The following GRIP1 variants were observed in gnomAD, a reference collection of about 807,000 sequenced individuals.
GRIP1 encodes the protein glutamate receptor-interacting protein 1.
A neutral mutation model predicts 129.9 loss-of-function variants in GRIP1; 45 were observed. The ratio of observed to expected loss-of-function variants is 0.35; its 90% CI spans 0.27 to 0.44. The LOEUF (loss-of-function observed/expected upper bound fraction) is 0.44. Among genes scored for constraint, GRIP1 ranks in the 20% least tolerant of loss-of-function variants. The probability of loss-of-function intolerance (pLI) is 1.00; values close to 1 mark genes in which losing one functional copy is unlikely to be tolerated. For missense variants in GRIP1, 1,196 were observed against 1,396.8 expected, an observed-to-expected ratio of 0.86 and a Z score of 2.29; for synonymous variants, 530 against 520.8, an observed-to-expected ratio of 1.02 and a Z score of -0.24.
At chr12:66,787,952 T>C (rs540561832) in intron 1 of GRIP1, among the ~76,000 whole-genome samples, 1 of 152,238 alleles carries the variant, frequency 6.6e-6, no homozygotes, top group South Asian at 2.1e-4. Flanking sequence ...CCTCAAGGTT[T>C]ACTTTCCTCC....
intron 1 of GRIP1, among the ~76,000 whole-genome samples, chr12:66,930,071 A>C (rs1279602167): frequency 1.1e-5 from 1 of 91,046 alleles, no homozygotes; most frequent in Admixed American, 1.1e-4. Flanking sequence ...TTTTTTTTTT[A>C]CGTCAATGCA....
chr12:66,534,338 C>G (rs956900297), intron 4 of GRIP1, among the ~76,000 whole-genome samples: 1 of 152,182 alleles, frequency 6.6e-6, no homozygotes, highest in African/African-American at 2.4e-5. Flanking sequence ...TCCTTTAACT[C>G]TACTAATGCT....
At chr12:66,719,379 C>G (rs967019571) in intron 1 of GRIP1, among the ~76,000 whole-genome samples, 5 of 152,250 alleles carry the variant, frequency 3.3e-5, no homozygotes, top group Non-Finnish European at 7.4e-5. Flanking sequence ...TCTTCCATCC[C>G]TCCTCAGGGA....
intron 11 of GRIP1, among the ~76,000 whole-genome samples, chr12:66,451,383 G>GTTTTTTTTTTTTTTTTTTTTTTTTTTTTT (rs1169331519): frequency 4.7e-5 from 2 of 42,650 alleles, no homozygotes; most frequent in Non-Finnish European, 8.4e-5. Flanking sequence ...ATTATAATCT[G>GTTTTTTTTTTTTTTTTTTTTTTTTTTTTT]TTTTTTTTTT....
chr12:66,984,176 G>T (rs1438685990), intron 1 of GRIP1, among the ~76,000 whole-genome samples: 1 of 152,144 alleles, frequency 6.6e-6, no homozygotes, highest in African/African-American at 2.4e-5. Context: ...TAGTTATAAT[G>T]AGCCTACAGC....
At chr12:66,905,688 G>T (rs555694401) in intron 1 of GRIP1, among the ~76,000 whole-genome samples, 2 of 152,180 alleles carry the variant, frequency 1.3e-5, no homozygotes, top group Admixed American at 6.5e-5. Flanking sequence ...TGATTAGAAG[G>T]TCTTATTATA....
chr12:66,502,321 T>A (rs1015870274), intron 7 of GRIP1, among the ~76,000 whole-genome samples: 1 of 152,218 alleles, frequency 6.6e-6, no homozygotes, highest in African/African-American at 2.4e-5. Context: ...TATTTGTCCA[T>A]GTTACTCCTA....
intron 1 of GRIP1, among the ~76,000 whole-genome samples, chr12:66,823,895 T>C (rs2039364327): frequency 6.6e-6 from 1 of 152,152 alleles, no homozygotes; most frequent in Non-Finnish European, 1.5e-5. Context: ...TTGAACAAGA[T>C]GTAAAACAGA....
chr12:66,816,504 A>G (rs1170387807), intron 1 of GRIP1, among the ~76,000 whole-genome samples: 2 of 152,228 alleles, frequency 1.3e-5, no homozygotes, highest in East Asian at 3.8e-4. Flanking sequence ...CTCATTTTAC[A>G]GGTGCTGATA....
At chr12:66,948,890 A>G (rs574386892) in intron 1 of GRIP1, among the ~76,000 whole-genome samples, 1 of 152,224 alleles carries the variant, frequency 6.6e-6, no homozygotes, top group Non-Finnish European at 1.5e-5. Flanking sequence ...AACAAATTGT[A>G]GAGTTTTATT....
intron 1 of GRIP1, among the ~76,000 whole-genome samples, chr12:67,058,216 C>T (rs1367511995): frequency 1.3e-5 from 2 of 152,120 alleles, no homozygotes; most frequent in Non-Finnish European, 2.9e-5. Context: ...ATCATCATTG[C>T]TTTTTTAATG....
At chr12:66,576,293 G>A (rs562953053) in intron 2 of GRIP1, among the ~76,000 whole-genome samples, 1 of 152,358 alleles carries the variant, frequency 6.6e-6, no homozygotes, top group East Asian at 1.9e-4. Flanking sequence ...GATACCCAAA[G>A]CCTGCAAATC....
At chr12:66,863,514 G>A (rs189923331) in intron 1 of GRIP1, among the ~76,000 whole-genome samples, 6 of 152,212 alleles carry the variant, frequency 3.9e-5, no homozygotes, top group East Asian at 1.9e-4. Context: ...TCTGGAGGAA[G>A]GGAGGGAGAG....
intron 7 of GRIP1, among the ~76,000 whole-genome samples, chr12:66,492,799 C>T (rs1006253536): frequency 3.9e-5 from 6 of 152,106 alleles, no homozygotes; most frequent in African/African-American, 1.2e-4. Flanking sequence ...CACTTGAGGT[C>T]AGGAGTTCAA....
chr12:66,912,298 C>A (rs2041043648), intron 1 of GRIP1, among the ~76,000 whole-genome samples: 1 of 151,982 alleles, frequency 6.6e-6, no homozygotes, highest in Non-Finnish European at 1.5e-5. Flanking sequence ...CAAATGGTTT[C>A]AAGATTAATT....
At chr12:66,667,215 T>G (rs971135273) in intron 1 of GRIP1, among the ~76,000 whole-genome samples, 12 of 152,238 alleles carry the variant, frequency 7.9e-5, no homozygotes, top group African/African-American at 2.9e-4. Context: ...TTTCAAGTAT[T>G]TGCCTTAACT....
At chr12:66,495,953 G>T (rs1052979000) in intron 7 of GRIP1, among the ~76,000 whole-genome samples, 1 of 152,164 alleles carries the variant, frequency 6.6e-6, no homozygotes, top group Non-Finnish European at 1.5e-5. Context: ...ACCGAAGCGC[G>T]CCAGGAGAAG....
chr12:66,534,922 G>A (rs1414129202), intron 4 of GRIP1, among the ~76,000 whole-genome samples: 2 of 152,158 alleles, frequency 1.3e-5, no homozygotes, highest in African/African-American at 2.4e-5. Flanking sequence ...TCGAGCTCCT[G>A]AACTCAAGTG....
At chr12:66,748,483 T>C (rs2037022217) in intron 1 of GRIP1, among the ~76,000 whole-genome samples, 1 of 152,214 alleles carries the variant, frequency 6.6e-6, no homozygotes. Context: ...ATGGTACTTG[T>C]TCTTGCCAGG....
Sources: allele counts gnomAD v4.1 joint callset (sites outside exome capture counted in the v4.1 genomes callset), GRCh38; gene constraint gnomAD v4.1.1; transcripts MANE v1.5; gene names NCBI Gene and HGNC (gene_info 2026-07-23, HGNC 2026-07-21).